Variants in NRXN1 observed in about 807,000 individuals in gnomAD.
The protein encoded by NRXN1 is neurexin-1.
Under a neutral mutation model 150.9 loss-of-function variants are expected in NRXN1, and 39 were observed. The ratio of observed to expected loss-of-function variants is 0.26; its 90% CI spans 0.20 to 0.34. NRXN1 has a LOEUF of 0.34. NRXN1 is among the 10% of genes least tolerant of loss of function. The pLI is 1.00. For synonymous variants in NRXN1, 924 were observed against 757.0 expected (o/e 1.22, Z -3.62); for missense variants, 1,815 against 1,949.9 (o/e 0.93, Z 1.30).
chr2:49,998,675 A>T (rs527388866), intron 21 of NRXN1, among the ~76,000 whole-genome samples: 4 of 152,026 alleles, frequency 2.6e-5, no homozygotes, highest in East Asian at 1.9e-4. Context: ...AACCTTTTTA[A>T]AAAAAATAAT....
chr2:50,059,892 C>G (rs1694248218), intron 19 of NRXN1, among the ~76,000 whole-genome samples: 1 of 152,160 alleles, frequency 6.6e-6, no homozygotes, highest in African/African-American at 2.4e-5. Flanking sequence ...ATGAAAACAC[C>G]TGAATGTCCA....
At chr2:50,418,031 A>C (rs1288519786) in intron 17 of NRXN1, among the ~76,000 whole-genome samples, 2 of 152,058 alleles carry the variant, frequency 1.3e-5, no homozygotes, top group African/African-American at 2.4e-5. Context: ...AAAGATTACT[A>C]GTTCTTCCAG....
chr2:50,647,117 C>A (rs1266127386), intron 5 of NRXN1, among the ~76,000 whole-genome samples: 2 of 151,512 alleles, frequency 1.3e-5, no homozygotes, highest in African/African-American at 4.8e-5. Flanking sequence ...ACCCGCTGAA[C>A]AAACTGTATC....
At chr2:49,970,770 T>C (rs1374914028) in intron 21 of NRXN1, among the ~76,000 whole-genome samples, 4 of 152,146 alleles carry the variant, frequency 2.6e-5, no homozygotes, top group Non-Finnish European at 5.9e-5. Flanking sequence ...TGCACAAAGA[T>C]TATTGTTTAT....
In NRXN1 at chr2:50,914,700, G is replaced by A. The variant is rs139028328; in HGVS notation, c.832+7169C>T. ...ACGATACAAAAACTTTTTTGTTTTC[G>A]TTGACTTTGTTTATTCTTCATAGAA... On this transcript the variant is annotated intron_variant, in intron 5 of 22. Transcript: ENST00000401669. Among the ~76,000 whole-genome samples, 116 of 151,630 alleles carry A rather than the reference G, an allele frequency of 7.7e-4. 1 individual carries two copies. The highest frequency in any genetic ancestry group is 2.5e-3 in the African/African-American group (102 of 41,430).
chr2:50,005,119 G>T lies in NRXN1; in HGVS notation c.4128+48152C>A, dbSNP rs531381479. The stretch of plus-strand genomic sequence containing the variant: ...CAGCTCATTATTGAATATTTGCACT[G>T]TATTTATTATTTCTGCTGCAAAGAA... On this transcript the variant is annotated intron_variant, in intron 21 of 22. Transcript: ENST00000401669. Among the ~76,000 whole-genome samples, 12 of 152,172 alleles carry T rather than the reference G, an allele frequency of 7.9e-5. No individual in the cohort carries two copies. In the East Asian group the frequency reaches 2.3e-3, roughly 29 times the overall value.
chr2:50,403,160 G>A (rs758406391), intron 17 of NRXN1, among the ~76,000 whole-genome samples: 2 of 152,052 alleles, frequency 1.3e-5, no homozygotes, highest in Non-Finnish European at 2.9e-5. Context: ...TTTGAACAAT[G>A]TATGTTGCTC....
intron 2 of NRXN1, among the ~76,000 whole-genome samples, chr2:50,937,706 T>C (rs1399385779): frequency 6.6e-6 from 1 of 152,054 alleles, no homozygotes; most frequent in Non-Finnish European, 1.5e-5. Context: ...TCTCTTAAAC[T>C]CAAAAATTAT....
chr2:49,933,990 A>C (rs1257863908), intron 22 of NRXN1, among the ~76,000 whole-genome samples: 1 of 152,194 alleles, frequency 6.6e-6, no homozygotes, highest in Non-Finnish European at 1.5e-5. Flanking sequence ...GTTTCAGGCC[A>C]TTAACTGTGG....
chr2:50,823,080 A>T, intron 5 of NRXN1, among the ~76,000 whole-genome samples: 1 of 152,230 alleles, frequency 6.6e-6, no homozygotes, highest in Non-Finnish European at 1.5e-5. Context: ...CCTGGGCACC[A>T]TTACGATTCC....
At chr2:50,064,491 G>C (rs1311599264) in intron 19 of NRXN1, among the ~76,000 whole-genome samples, 1 of 151,650 alleles carries the variant, frequency 6.6e-6, no homozygotes, top group Non-Finnish European at 1.5e-5. Context: ...TTTGGTCAGG[G>C]GGAAATTTCT....
At chr2:49,996,719 A>T (rs1377966152) in intron 21 of NRXN1, among the ~76,000 whole-genome samples, 2 of 152,214 alleles carry the variant, frequency 1.3e-5, no homozygotes, top group Non-Finnish European at 2.9e-5. Context: ...GAAAAAGACA[A>T]GGTAACATAT....
intron 5 of NRXN1, among the ~76,000 whole-genome samples, chr2:50,831,210 A>G (rs367639590): frequency 1.3e-5 from 2 of 152,258 alleles, no homozygotes; most frequent in African/African-American, 4.8e-5. Flanking sequence ...AAACTGTAAT[A>G]CAATGAGAAT....
chr2:50,741,252 G>A (rs1194261674), intron 5 of NRXN1, among the ~76,000 whole-genome samples: 1 of 150,934 alleles, frequency 6.6e-6, no homozygotes, highest in African/African-American at 2.4e-5. Flanking sequence ...TCCTTTTATT[G>A]GTTGGATCTA....
At chr2:50,218,902 C>G (rs1185511515) in intron 18 of NRXN1, among the ~76,000 whole-genome samples, 1 of 151,930 alleles carries the variant, frequency 6.6e-6, no homozygotes, top group Non-Finnish European at 1.5e-5. Context: ...CAAAAATATT[C>G]ACTTTTATTC....
chr2:50,325,337 G>T (rs2076317069), intron 17 of NRXN1, among the ~76,000 whole-genome samples: 1 of 152,168 alleles, frequency 6.6e-6, no homozygotes, highest in African/African-American at 2.4e-5. Context: ...GTGGTCACTG[G>T]AAGGGAAGAT....
intron 16 of NRXN1, among the ~76,000 whole-genome samples, chr2:50,465,900 C>A (rs1358923524): frequency 6.6e-6 from 1 of 151,774 alleles, no homozygotes; most frequent in African/African-American, 2.4e-5. Context: ...ATGAATGGAT[C>A]TCCTTAACAT....
chr2:50,790,088 G>A (rs1448892545), intron 5 of NRXN1, among the ~76,000 whole-genome samples: 2 of 151,758 alleles, frequency 1.3e-5, no homozygotes, highest in Admixed American at 6.6e-5. Flanking sequence ...CAGCCTAAAA[G>A]GCCAAGGAGT....
chr2:50,500,087 C>T (rs1031026875), intron 13 of NRXN1, among the ~76,000 whole-genome samples: 15 of 151,928 alleles, frequency 9.9e-5, no homozygotes, highest in African/African-American at 3.6e-4. Context: ...CTTAAAGTCT[C>T]TATTGATGAA....
Sources: gnomAD v4.1 joint callset for allele counts (sites outside exome capture counted in the v4.1 genomes callset) on GRCh38, gnomAD v4.1.1 for gene constraint, MANE v1.5 for transcripts, NCBI Gene and HGNC (gene_info 2026-07-23, HGNC 2026-07-21) for gene names.